The following CPSF1 variants were observed in gnomAD, a reference collection of about 807,000 sequenced individuals.
The protein encoded by CPSF1 is cleavage and polyadenylation specificity factor subunit 1.
A neutral mutation model predicts 175.8 loss-of-function variants in CPSF1; 106 were observed. That is an observed-to-expected ratio of 0.60 (90% CI 0.52 to 0.71). The LOEUF is 0.71. CPSF1 is among the 30% of genes least tolerant of loss of function. The pLI, the probability that CPSF1 is intolerant of heterozygous loss-of-function variation, is 0.00. For missense variants in CPSF1, 1,734 were observed against 2,022.9 expected (o/e 0.86, Z 2.74); for synonymous variants, 1,024 against 858.3 (o/e 1.19, Z -3.37).
intron 17 of CPSF1, 40 bp downstream of exon 17, chr8:144,398,739 G>C: frequency 6.3e-7 from 1 of 1,591,090 alleles, no homozygotes; most frequent in Non-Finnish European, 8.6e-7. Context: ...GGCAGCGCCG[G>C]TCCCATCCCA....
At chr8:144,404,026 C>T (rs2116896628) in intron 2 of CPSF1, among the ~76,000 whole-genome samples, 8 of 151,374 alleles carry the variant, frequency 5.3e-5, no homozygotes, top group African/African-American at 1.2e-4. Flanking sequence ...ACCAGTCTAG[C>T]CAACATGGTG....
chr8:144,400,144 G>GCCCCCCCCCCCCCCCCCCCC (rs1194072613), intron 9 of CPSF1, 22 bp downstream of exon 9: 3 of 1,070,436 alleles, frequency 2.8e-6, no homozygotes, highest in Non-Finnish European at 3.7e-6. Context: ...GGCCCCCCCC[G>GCCCCCCCCCCCCCCCCCCCC]CCCCAGCCAC....
In CPSF1 at chr8:144,398,798, G is replaced by A; in HGVS notation, c.1619C>T (p.Ala540Val). 3 of 1,603,868 alleles carry A rather than the reference G, an allele frequency of 1.9e-6. No individual in the cohort carries two copies. The highest frequency in any genetic ancestry group is 1.1e-5 in the South Asian group (1 of 90,068). ...ACCTACCTCCTCCTTACGCACCGGG[G>A]CGATGACTGTCCACATGTCATAGCA... ...PGCYDMWTVI[A>V]PVRKEEEDNP... The change falls in exon 17 of 38, where the codon GCC becomes GTC. Residue 540 changes from alanine (A) to valine (V), a missense_variant. Physicochemically the swap from Ala to Val is moderately conservative, Grantham distance 64. Around this residue, in one of 10 missense-constraint regions of CPSF1, gnomAD observed 280 missense variants for 349.2 expected, o/e 0.80. Transcript: ENST00000616140.
chr8:144,409,142 T>G lies in CPSF1; in HGVS notation c.17A>C (p.Lys6Thr). MYAVY[K>T]QAHPPTGLEF... ...CAGACCGGTGGGCGGATGCGCCTGT[T>G]TGTACACGGCGTACATGGCGCCAAC... The change falls in exon 2 of 38, where the codon AAA (lysine) becomes ACA (threonine). Residue 6 changes from lysine to threonine, a missense_variant. Around this residue, in one of 10 missense-constraint regions of CPSF1, gnomAD observed 126 missense variants for 117.9 expected, o/e 1.07. Transcript: ENST00000616140. 6.2e-7 allele frequency: 1 copy of G among 1,612,150 alleles called. No individual in the cohort carries two copies. The highest frequency in any genetic ancestry group is 8.5e-7 in the Non-Finnish European group (1 of 1,179,410).
intron 20 of CPSF1, 31 bp from the exon 21 acceptor site, chr8:144,397,910 G>A: frequency 1.3e-6 from 2 of 1,598,624 alleles, no homozygotes; most frequent in Non-Finnish European, 1.7e-6. Context: ...TCAGCGGCGG[G>A]CAAGGGGCAG....
At chr8:144,403,095 AAAATT>A (rs1193927246) in intron 2 of CPSF1, among the ~76,000 whole-genome samples, 2 of 49,870 alleles carry the variant, frequency 4.0e-5, no homozygotes, top group East Asian at 1.2e-3. Context: ...AAATAGGAGG[AAAATT>A]TTTTTTTTTT....
In CPSF1 at chr8:144,398,654, G is replaced by C. The variant is rs2116853240; in HGVS notation, c.1639-16C>G. 1.8e-5 allele frequency: 29 copies of C among 1,613,020 alleles called. No individual in the cohort carries two copies. The highest frequency in any genetic ancestry group is 1.1e-4 in the East Asian group (5 of 44,880). On this transcript the variant is annotated splice_polypyrimidine_tract_variant and intron_variant, in intron 17 of 37. Transcript: ENST00000616140. Reference sequence around the variant, plus strand: ...GATTGTCCTCCTGTCAGGGCCAAAGGGGGGCAGGCTGGAAGCCACAGTCCA... The same window carrying C: ...GATTGTCCTCCTGTCAGGGCCAAAGCGGGGCAGGCTGGAAGCCACAGTCCA...
chr8:144,394,555 T>C lies in CPSF1; in HGVS notation c.3568A>G (p.Ile1190Val). 1 of 1,608,192 alleles carries C rather than the reference T, an allele frequency of 6.2e-7. No homozygotes were observed. Among genetic ancestry groups the C allele is most frequent in the Admixed American group, 1.7e-5 (1 of 59,394 alleles). The change falls in exon 32 of 38, where the codon ATT becomes GTT. Residue 1190 changes from isoleucine to valine, a missense_variant and splice_region_variant. By Grantham distance (29) the Ile-to-Val change is conservative. Coordinates refer to ENST00000616140, the MANE Select transcript of CPSF1 (RefSeq NM_013291.3). ...CTGGCCCGCAGGCTCCACAGGAAAATCTGGGGGCGAGGGCGAGGGTGAGCG... is the reference window on the plus strand; with the variant it reads ...CTGGCCCGCAGGCTCCACAGGAAAACCTGGGGGCGAGGGCGAGGGTGAGCG... Reference protein sequence around the residue: ...GHLVSAIGQKIFLWSLRASEL... With the variant: ...GHLVSAIGQKVFLWSLRASEL...
intron 2 of CPSF1, among the ~76,000 whole-genome samples, chr8:144,404,370 AT>A (rs2116897860): frequency 2.2e-3 from 321 of 146,024 alleles, no homozygotes; most frequent in African/African-American, 3.6e-3. Context: ...ACTCAGAAGA[AT>A]TTTTTTTTTT....
intron 2 of CPSF1, among the ~76,000 whole-genome samples, chr8:144,406,490 C>T (rs931267479): frequency 1.3e-5 from 2 of 152,242 alleles, no homozygotes; most frequent in African/African-American, 4.8e-5. Context: ...TTCATGGCCT[C>T]TCATCTCCCC....
At position 144,393,676 on chromosome 8, in the gene CPSF1, CG is replaced by C. The variant is rs1554862287; in HGVS notation, c.4135del (p.Arg1379AlafsTer32). The C allele has an allele frequency of 6.4e-7, 1 of 1,563,576 alleles. No individual in the cohort carries two copies. The highest frequency in any genetic ancestry group is 1.9e-5 in the Admixed American group (1 of 52,690). ...MLPHHAGLNPRAFRMLHVDRR... is the reference protein window; with the variant it reads ...MLPHHAGLNPXAFRMLHVDRR... ...CGGGGCCGGGGCTCACCGGAAGGCG[CG>C]GGGGTTGAGGCCGGCGTGGTGTGGC... On this transcript the variant is annotated frameshift_variant, in exon 36 of 38. Transcript: ENST00000616140. LOFTEE classifies it high-confidence loss of function.
Position 144,394,259 on chromosome 8 carries a change from C to T in CPSF1, c.3786G>A (p.Val1262=). Residue 1262 remains valine, a synonymous_variant, in exon 33 of 38, where the codon GTG becomes GTA. Coordinates refer to ENST00000616140, the MANE Select transcript of CPSF1 (RefSeq NM_013291.3). ...CCAGAAAACCCAGCTGGGCATTGTC[C>T]ACCATGAAGTCCACGCTGTACACCT... ...PLEVYSVDFM[V]DNAQLGFLVS... 1 of 1,604,642 alleles carries T rather than the reference C, an allele frequency of 6.2e-7. No individual in the cohort carries two copies. The highest frequency in any genetic ancestry group is 1.3e-5 in the African/African-American group (1 of 74,798).
rs2116913267 is a variant in CPSF1 at position 144,409,112 on chromosome 8, A to C, written c.47T>G (p.Phe16Cys). 14 of 1,613,760 alleles carry C rather than the reference A, an allele frequency of 8.7e-6. No homozygotes were observed. The South Asian group carries it at 1.5e-4, about 18-fold the overall frequency. The change falls in exon 2 of 38, where the codon TTC becomes TGC. Residue 16 changes from phenylalanine (F) to cysteine (C), a missense_variant. Coordinates refer to ENST00000616140, the MANE Select transcript of CPSF1 (RefSeq NM_013291.3). ...GTTGAAGAAGTTGCAGTACATGGAG[A>C]ACTCCAGACCGGTGGGCGGATGCGC... The part of the protein sequence containing the change: ...KQAHPPTGLE[F>C]SMYCNFFNNS...
rs1193401548 is a variant in CPSF1 at position 144,400,645 on chromosome 8, C to CAG, written c.686+24_686+25dup. 3 of 1,598,764 alleles carry CAG rather than the reference C, an allele frequency of 1.9e-6. No individual in the cohort carries two copies. The African/African-American group carries it at 4.0e-5, about 21-fold the overall frequency. On this transcript the variant is annotated intron_variant, in intron 7 of 37. Transcript: ENST00000616140. ...AGAGGCAGCTAGGGGGCCCACAGTG[C>CAG]AGAGGGGCCTCCTTAGGGGGCTCAC... is the stretch of plus-strand genomic sequence containing the variant.
rs187194490 is a variant in CPSF1, at chr8:144,397,557, C to T, written c.2315G>A (p.Arg772Gln). ...CTCTGCCCGGAAGGGTGCAGGGTCC[C>T]GGTCAGCAGGGGGCTGGCTGCTTCT... is the stretch of plus-strand genomic sequence containing the variant. ...ARRSSQPPAD[R>Q]DPAPFRAEPT... Residue 772 changes from arginine to glutamine, a missense_variant, in exon 22 of 38, where the codon CGG becomes CAG. Physicochemically the swap from Arg to Gln is conservative, Grantham distance 43 (BLOSUM62 1). Transcript: ENST00000616140. The T allele has an allele frequency of 1.7e-5, 27 of 1,554,596 alleles. No individual in the cohort carries two copies. The highest frequency in any genetic ancestry group is 6.8e-5 in the African/African-American group (5 of 73,882).
intron 2 of CPSF1, among the ~76,000 whole-genome samples, 163 bp downstream of exon 2, chr8:144,408,852 A>T (rs1420607191): frequency 6.6e-6 from 1 of 152,192 alleles, no homozygotes; most frequent in African/African-American, 2.4e-5. Context: ...GTGAGAAAGG[A>T]TCTGAGCACA....
chr8:144,396,565 CTACCACAGACCCCTGCAAA>C lies in CPSF1; in HGVS notation c.2826+14_2826+32del. The C allele has an allele frequency of 6.2e-7, 1 of 1,609,280 alleles. No homozygotes were observed. Among genetic ancestry groups the C allele is most frequent in the Non-Finnish European group, 8.5e-7 (1 of 1,176,982 alleles). On this transcript the variant is annotated intron_variant, in intron 25 of 37. Transcript: ENST00000616140. ...CTGCGGATGAGGCCGCGTCTCCCTT[CTACCACAGACCCCTGCAAA>C]GGCGCTGGCCTACCCCTGAGTAGCC...
intron 2 of CPSF1, among the ~76,000 whole-genome samples, chr8:144,402,299 T>TTTTTTTG (rs374137829): frequency 2.6e-5 from 4 of 152,184 alleles, no homozygotes; most frequent in Admixed American, 6.5e-5. Context: ...TTGTTTTGTT[T>TTTTTTTG]TTTTTTGTTT....
rs2116852368 is a variant in CPSF1 at position 144,398,569 on chromosome 8, G to A, written c.1708C>T (p.Arg570Cys). ...STTPEADDDG[R>C]RHGFLILSRE... ...CTCAGAATCAGGAATCCGTGTCTGC[G>A]GCCGTCGTCGTCTGCTTCAGGGGTG... The change falls in exon 18 of 38, where the codon CGC (arginine) becomes TGC (cysteine). Residue 570 changes from arginine to cysteine, a missense_variant. By Grantham distance (180) the Arg-to-Cys change is radical. Around this residue, in one of 10 missense-constraint regions of CPSF1, gnomAD observed 280 missense variants for 349.2 expected, o/e 0.80. Transcript: ENST00000616140. 6 of 1,613,784 alleles carry A rather than the reference G, an allele frequency of 3.7e-6. No homozygotes were observed. The highest frequency in any genetic ancestry group is 3.3e-5 in the Admixed American group (2 of 60,000).
Sources: allele counts gnomAD v4.1 joint callset (sites outside exome capture counted in the v4.1 genomes callset), GRCh38; gene constraint gnomAD v4.1.1; regional missense constraint gnomAD v4.1.1; transcripts MANE v1.5; gene names NCBI Gene and HGNC (gene_info 2026-07-23, HGNC 2026-07-21).